Variants in SUCO observed in about 807,000 individuals in gnomAD.
SUCO encodes the protein SUN domain containing ossification factor.
SUCO carries 57 observed loss-of-function variants against 148.1 expected under a neutral mutation model. That is an observed-to-expected ratio of 0.38 (90% CI 0.31 to 0.48). The LOEUF (loss-of-function observed/expected upper bound fraction) is 0.48, where lower values mean the gene tolerates loss of function less well. Ranked by LOEUF, SUCO falls within the 20% of genes least tolerant of loss-of-function variation. The probability of loss-of-function intolerance (pLI) is 0.96; values close to 1 mark genes in which losing one functional copy is unlikely to be tolerated. For synonymous variants in SUCO, 470 were observed against 502.7 expected (o/e 0.93, Z 0.87); for missense variants, 1,331 against 1,468.2 (o/e 0.91, Z 1.53).
chr1:172,602,031 T>C lies in SUCO; in HGVS notation c.3019-33T>C, dbSNP rs764859100. The C allele has an allele frequency of 5.1e-6, 8 of 1,555,530 alleles. No homozygotes were observed. In the African/African-American group the frequency reaches 1.1e-4, roughly 22 times the overall value. Reference sequence around the variant, plus strand: ...TTATATTTTTCCTAATATGATTTCCTATGATTATTATTTAACCCTCTTCTC... The same window carrying C: ...TTATATTTTTCCTAATATGATTTCCCATGATTATTATTTAACCCTCTTCTC... On this transcript the variant is annotated intron_variant, in intron 20 of 23. Coordinates refer to ENST00000263688, the MANE Select transcript of SUCO (RefSeq NM_014283.5).
chr1:172,588,590 T>C, intron 17 of SUCO, 170 bp from the exon 18 acceptor site: 1 of 985,140 alleles, frequency 1.0e-6, no homozygotes. Context: ...CTGAGCAGTA[T>C]TTGTTTTTAT....
At chr1:172,594,905 G>C (rs905741386) in intron 19 of SUCO, among the ~76,000 whole-genome samples, 6 of 152,186 alleles carry the variant, frequency 3.9e-5, no homozygotes, top group Non-Finnish European at 8.8e-5. Flanking sequence ...TTGTGTGGGA[G>C]TCTGAGTCTC....
At position 172,585,903 on chromosome 1, in the gene SUCO, A is replaced by C. The variant is rs576850982; in HGVS notation, c.1613A>C (p.Lys538Thr). ...SENATATAAP[K>T]MPESTPVSTP... ...AATGCCACTGCCACAGCTGCACCTAAAATGCCTGAATCAACTCCTGTTTCA... is the reference window on the plus strand; with the variant it reads ...AATGCCACTGCCACAGCTGCACCTACAATGCCTGAATCAACTCCTGTTTCA... The change falls in exon 17 of 24, where the codon AAA becomes ACA. Residue 538 changes from lysine (K) to threonine (T), a missense_variant. Physicochemically the swap from Lys to Thr is moderately conservative, Grantham distance 78. Coordinates refer to ENST00000263688, the MANE Select transcript of SUCO (RefSeq NM_014283.5). 1 of 1,611,186 alleles carries C rather than the reference A, an allele frequency of 6.2e-7. No individual in the cohort carries two copies. Among genetic ancestry groups the C allele is most frequent in the Non-Finnish European group, 8.5e-7 (1 of 1,178,734 alleles).
chr1:172,535,513 A>G (rs1362431983), intron 1 of SUCO, among the ~76,000 whole-genome samples: 6 of 152,140 alleles, frequency 3.9e-5, no homozygotes, highest in Non-Finnish European at 5.9e-5. Flanking sequence ...CTTTTGTGCC[A>G]AGTTGGAATT....
intron 23 of SUCO, chr1:172,609,592 CAGGT>C: frequency 4.1e-6 from 4 of 984,882 alleles, no homozygotes; most frequent in Non-Finnish European, 4.8e-6. Flanking sequence ...TCATAGGTAG[CAGGT>C]AAGCAATTTA....
At chr1:172,578,273 T>C in intron 13 of SUCO, 25 bp from the exon 14 acceptor site, 2 of 1,510,116 alleles carry the variant, frequency 1.3e-6, no homozygotes, top group Admixed American at 1.7e-5. Context: ...GTTTTGGAAG[T>C]CTTTAATGAA....
In SUCO at chr1:172,533,397, G is replaced by C; in HGVS notation, c.-39G>C. 1 of 1,552,126 alleles carries C rather than the reference G, an allele frequency of 6.4e-7. No individual in the cohort carries two copies. The highest frequency in any genetic ancestry group is 8.7e-7 in the Non-Finnish European group (1 of 1,147,256). On this transcript the variant is annotated 5_prime_UTR_variant, in exon 1 of 24. Coordinates refer to ENST00000263688, the MANE Select transcript of SUCO (RefSeq NM_014283.5). ...CCTCGGCAGTGGCGGCTGCCGGGAGGATGTGCCGCCTTCTGGCAGGGGGAA... is the reference window on the plus strand; with the variant it reads ...CCTCGGCAGTGGCGGCTGCCGGGAGCATGTGCCGCCTTCTGGCAGGGGGAA...
At chr1:172,601,669 A>G (rs1232436144) in intron 20 of SUCO, among the ~76,000 whole-genome samples, 1 of 152,192 alleles carries the variant, frequency 6.6e-6, no homozygotes, top group Admixed American at 6.5e-5. Context: ...GGCTTACGTA[A>G]CTGGGTGGTT....
chr1:172,594,963 T>A (rs1187356548), intron 19 of SUCO, among the ~76,000 whole-genome samples: 2 of 152,214 alleles, frequency 1.3e-5, no homozygotes, highest in Non-Finnish European at 2.9e-5. Flanking sequence ...ATCTGGGTGC[T>A]CCTGTATTGG....
chr1:172,568,995 CT>C, intron 6 of SUCO, 23 bp from the exon 7 acceptor site: 1 of 1,543,708 alleles, frequency 6.5e-7, no homozygotes, highest in South Asian at 1.3e-5. Flanking sequence ...TTGAAGTCTT[CT>C]TACTTTTTGG....
chr1:172,579,935 T>TC (rs1655753036), intron 15 of SUCO, among the ~76,000 whole-genome samples: 1 of 152,174 alleles, frequency 6.6e-6, no homozygotes, highest in African/African-American at 2.4e-5. Context: ...AAATTATTAA[T>TC]CAAATTTAAT....
chr1:172,604,419 CTTG>C (rs1657728187), intron 22 of SUCO, among the ~76,000 whole-genome samples: 1 of 151,780 alleles, frequency 6.6e-6, no homozygotes, highest in African/African-American at 2.4e-5. Context: ...TTGATAAGTT[CTTG>C]TTGTTATGGC....
intron 19 of SUCO, chr1:172,599,259 G>A (rs1657339971): frequency 6.4e-6 from 1 of 155,570 alleles, no homozygotes; most frequent in Non-Finnish European, 1.4e-5. Context: ...AACCCGGGAG[G>A]CGGAGCTTGC....
At chr1:172,569,481 G>A (rs1303124255) in intron 7 of SUCO, 6 of 981,836 alleles carry the variant, frequency 6.1e-6, no homozygotes, top group African/African-American at 1.8e-5. Context: ...AAATCCTTGG[G>A]TTTAAAATAT....
In SUCO at chr1:172,606,714, C is replaced by G. The variant is rs140095926; in HGVS notation, c.3266-2033C>G. 3.6e-4 allele frequency among the ~76,000 whole-genome samples: 54 copies of G among 151,810 alleles called. 1 individual carries two copies. Among genetic ancestry groups the G allele is most frequent in the African/African-American group, 1.2e-3 (51 of 41,506 alleles). ...CTTTATCATTTTGAGATTCGTGAGGCTCTTTGGAGCTCTGGATTTGTAGGT... is the reference window on the plus strand; with the variant it reads ...CTTTATCATTTTGAGATTCGTGAGGGTCTTTGGAGCTCTGGATTTGTAGGT... On this transcript the variant is annotated intron_variant, in intron 22 of 23. Coordinates refer to ENST00000263688, the MANE Select transcript of SUCO (RefSeq NM_014283.5).
intron 3 of SUCO, chr1:172,555,301 A>G: frequency 1.4e-6 from 1 of 703,056 alleles, no homozygotes; most frequent in Non-Finnish European, 1.7e-6. Context: ...TTTAGGGTTG[A>G]TCTTGGAGGA....
At position 172,555,365 on chromosome 1, in the gene SUCO, T is replaced by C. The variant is rs117363745; in HGVS notation, c.289-504T>C. 9.1e-4 allele frequency: 901 copies of C among 985,056 alleles called. 18 individuals are homozygous for C. In the East Asian group the frequency reaches 0.047, roughly 52 times the overall value. The allele number at this position is 985,056 out of a possible 1,614,324, so 61.0% of individuals were successfully genotyped here. On this transcript the variant is annotated intron_variant, in intron 3 of 23. Coordinates refer to ENST00000263688, the MANE Select transcript of SUCO (RefSeq NM_014283.5). ...GAACAGGTGTTAGGTAGATTTCACA[T>C]TGTGTTTTGGAGGACTGAAAGGCCC...
chr1:172,605,593 TGA>T (rs1207184416), intron 22 of SUCO, among the ~76,000 whole-genome samples: 1 of 152,024 alleles, frequency 6.6e-6, no homozygotes, highest in East Asian at 1.9e-4. Flanking sequence ...TCTGGAAGTG[TGA>T]GTTATCTAAC....
chr1:172,575,649 G>A, intron 11 of SUCO, 26 bp downstream of exon 11: 1 of 1,461,262 alleles, frequency 6.8e-7, no homozygotes, highest in Non-Finnish European at 9.5e-7. Context: ...ACAGGACTAT[G>A]TTCTATAATG....
Sources: allele counts gnomAD v4.1 joint callset (sites outside exome capture counted in the v4.1 genomes callset), GRCh38; gene constraint gnomAD v4.1.1; transcripts MANE v1.5; gene names NCBI Gene and HGNC (gene_info 2026-07-23, HGNC 2026-07-21).